PCDHGB7: variants seen among roughly 807,000 people sequenced by gnomAD.
PCDHGB7 encodes protocadherin gamma-B7.
A neutral mutation model predicts 61.4 loss-of-function variants in PCDHGB7; 37 were observed. That is an observed-to-expected ratio of 0.60 (90% CI 0.46 to 0.79). PCDHGB7 has a LOEUF of 0.79. Ranked by LOEUF, PCDHGB7 falls within the 30% of genes least tolerant of loss-of-function variation. The pLI is 0.00. For synonymous variants in PCDHGB7, 464 were observed against 503.5 expected, an observed-to-expected ratio of 0.92 and a Z score of 1.05; for missense variants, 1,166 against 1,202.5, an observed-to-expected ratio of 0.97 and a Z score of 0.45.
rs781267293 is a variant in PCDHGB7 at position 141,489,926 on chromosome 5, C to T, written c.2416-4881C>T. 1.2e-6 allele frequency: 2 copies of T among 1,614,222 alleles called. No individual in the cohort carries two copies. The highest frequency in any genetic ancestry group is 2.2e-5 in the East Asian group (1 of 44,878). On this transcript the variant is annotated intron_variant, in intron 1 of 3. Coordinates refer to ENST00000398594, the MANE Select transcript of PCDHGB7 (RefSeq NM_018927.4). The surrounding 1 kb of genome is among the most constrained non-coding windows in gnomAD (Gnocchi z 4.5). Reference sequence around the variant, plus strand: ...GCCCGCTCAGGGACCACCCTTATCTCTGTCATCGTGCTGGACATCAATGAT... The same window carrying T: ...GCCCGCTCAGGGACCACCCTTATCTTTGTCATCGTGCTGGACATCAATGAT...
At chr5:141,449,567 C>T (rs1412647192) in intron 1 of PCDHGB7, among the ~76,000 whole-genome samples, 2 of 133,846 alleles carry the variant, frequency 1.5e-5, no homozygotes, top group Non-Finnish European at 3.1e-5. Context: ...CCAGCCTGGG[C>T]GACAGAGCAA....
In PCDHGB7 at chr5:141,491,357, T is replaced by C; in HGVS notation, c.2416-3450T>C. 6.2e-7 allele frequency: 1 copy of C among 1,614,144 alleles called. No homozygotes were observed. Among genetic ancestry groups the C allele is most frequent in the South Asian group, 1.1e-5 (1 of 91,080 alleles). On this transcript the variant is annotated intron_variant, in intron 1 of 3. Transcript: ENST00000398594. This position sits in a 1 kb window ranked among gnomAD's most constrained non-coding sequence, Gnocchi z 6.9. ...CTAGCGACCGTCAGTCTCTTATCCCTAGTCACCTTCACCTTTCTGTCAGCG... is the reference window on the plus strand; with the variant it reads ...CTAGCGACCGTCAGTCTCTTATCCCCAGTCACCTTCACCTTTCTGTCAGCG...
chr5:141,481,679 C>T (rs2099541734), intron 1 of PCDHGB7, among the ~76,000 whole-genome samples: 1 of 151,948 alleles, frequency 6.6e-6, no homozygotes, highest in Non-Finnish European at 1.5e-5. Context: ...TCAGGCCGGG[C>T]CTGGTGGCTC....
In PCDHGB7 at chr5:141,430,991, A is replaced by G. The variant is rs2097333608; in HGVS notation, c.2415+10717A>G. 2.5e-6 allele frequency: 4 copies of G among 1,613,862 alleles called. No individual in the cohort carries two copies. In the East Asian group the frequency reaches 8.9e-5, roughly 36 times the overall value. ...AGGTAGGACGCAGCTTTTCGCCCTGAATCCGCGCAGCGGCAGCTTGGTCAC... is the reference window on the plus strand; with the variant it reads ...AGGTAGGACGCAGCTTTTCGCCCTGGATCCGCGCAGCGGCAGCTTGGTCAC... On this transcript the variant is annotated intron_variant, in intron 1 of 3. Coordinates refer to ENST00000398594, the MANE Select transcript of PCDHGB7 (RefSeq NM_018927.4).
At chr5:141,498,457 G>A (rs1028236637) in intron 2 of PCDHGB7, among the ~76,000 whole-genome samples, 8 of 152,126 alleles carry the variant, frequency 5.3e-5, no homozygotes, top group African/African-American at 1.9e-4. Flanking sequence ...CTTTTATCCA[G>A]TCTAACCCTG....
In PCDHGB7 at chr5:141,485,974, A is replaced by G. The variant is rs755735500; in HGVS notation, c.2416-8833A>G. 1.9e-6 allele frequency: 3 copies of G among 1,614,108 alleles called. No homozygotes were observed. The highest frequency in any genetic ancestry group is 1.7e-5 in the Admixed American group (1 of 60,014). On this transcript the variant is annotated intron_variant, in intron 1 of 3. Coordinates refer to ENST00000398594, the MANE Select transcript of PCDHGB7 (RefSeq NM_018927.4). This position sits in a 1 kb window ranked among gnomAD's most constrained non-coding sequence, Gnocchi z 5.7. ...TGGTGCTCATCCAGCTCAATGCCTC[A>G]GACCCGGACCTGGGTCCCAGTGGTA...
Position 141,418,848 on chromosome 5 carries a change from G to T in PCDHGB7, c.989G>T (p.Arg330Leu), listed in dbSNP as rs770294020. Reference protein sequence around the residue: ...EAKDRGSLSTRCKVIVEVVDE... With the variant: ...EAKDRGSLSTLCKVIVEVVDE... ...AAAGACCGAGGATCTCTCTCAACAC[G>T]GTGTAAAGTAATTGTAGAAGTTGTA... The change falls in exon 1 of 4, where the codon CGG (arginine) becomes CTG (leucine). Residue 330 changes from arginine (R) to leucine (L), a missense_variant. Physicochemically the swap from Arg to Leu is moderately radical, Grantham distance 102. Transcript: ENST00000398594. The T allele has an allele frequency of 6.2e-7, 1 of 1,613,954 alleles. No homozygotes were observed. The highest frequency in any genetic ancestry group is 8.5e-7 in the Non-Finnish European group (1 of 1,179,868).
At position 141,422,880 on chromosome 5, in the gene PCDHGB7, G is replaced by C. The variant is rs970045921; in HGVS notation, c.2415+2606G>C. The C allele has an allele frequency of 7.4e-6, 12 of 1,614,140 alleles. No individual in the cohort carries two copies. In the Admixed American group the frequency reaches 2.0e-4, roughly 27 times the overall value. ...TCAGCAGCAACGTGTCGCTGAGCCT[G>C]TTCGTGCTGGACCAGAACGACAATG... On this transcript the variant is annotated intron_variant, in intron 1 of 3. Coordinates refer to ENST00000398594, the MANE Select transcript of PCDHGB7 (RefSeq NM_018927.4).
rs144113016 is a variant in PCDHGB7 at position 141,428,135 on chromosome 5, G to T, written c.2415+7861G>T. On this transcript the variant is annotated intron_variant, in intron 1 of 3. Coordinates refer to ENST00000398594, the MANE Select transcript of PCDHGB7 (RefSeq NM_018927.4). Reference sequence around the variant, plus strand: ...CCATCGAGCCCGGGCTTTTCAGCCTGGGGCTGCACACGGGAACCTGCTGGT... The same window carrying T: ...CCATCGAGCCCGGGCTTTTCAGCCTTGGGCTGCACACGGGAACCTGCTGGT... 347 of 1,601,046 alleles carry T rather than the reference G, an allele frequency of 2.2e-4. No homozygotes were observed. The African/African-American group carries it at 3.9e-3, about 18-fold the overall frequency.
chr5:141,471,846 T>C (rs2099265433), intron 1 of PCDHGB7, among the ~76,000 whole-genome samples: 1 of 152,180 alleles, frequency 6.6e-6, no homozygotes. Context: ...AATAAAATAT[T>C]CAGAAAAAGC....
At position 141,485,396 on chromosome 5, in the gene PCDHGB7, T is replaced by C. The variant is rs1466959644; in HGVS notation, c.2416-9411T>C. 2.5e-6 allele frequency: 4 copies of C among 1,614,042 alleles called. No homozygotes were observed. Among genetic ancestry groups the C allele is most frequent in the Non-Finnish European group, 3.4e-6 (4 of 1,179,960 alleles). On this transcript the variant is annotated intron_variant, in intron 1 of 3. Coordinates refer to ENST00000398594, the MANE Select transcript of PCDHGB7 (RefSeq NM_018927.4). The surrounding 1 kb of genome is among the most constrained non-coding windows in gnomAD (Gnocchi z 5.7). ...CGCTGGAGAGGTGAACCAAAGACAC[T>C]TCCGTGTGGATTTGGACAGCGGAGC...
chr5:141,476,137 G>A lies in PCDHGB7; in HGVS notation c.2416-18670G>A. The A allele has an allele frequency of 1.2e-6, 2 of 1,609,204 alleles. No homozygotes were observed. The highest frequency in any genetic ancestry group is 1.7e-6 in the Non-Finnish European group (2 of 1,178,592). On this transcript the variant is annotated intron_variant, in intron 1 of 3. Coordinates refer to ENST00000398594, the MANE Select transcript of PCDHGB7 (RefSeq NM_018927.4). The surrounding 1 kb of genome is among the most constrained non-coding windows in gnomAD (Gnocchi z 7.6). ...GTGAGATGGTCCCAGAGGCCTGGAGGAGCGGACTGGTAAGCACCGGGAGGG... is the reference window on the plus strand; with the variant it reads ...GTGAGATGGTCCCAGAGGCCTGGAGAAGCGGACTGGTAAGCACCGGGAGGG...
Position 141,419,929 on chromosome 5 carries a change from T to C in PCDHGB7, c.2070T>C (p.Phe690=). The change falls in exon 1 of 4, where the codon TTT becomes TTC. Residue 690 remains phenylalanine, a synonymous_variant. Coordinates refer to ENST00000398594, the MANE Select transcript of PCDHGB7 (RefSeq NM_018927.4). ...TPSDSQAEMQ[F]YLVVALALIS... ...CTGACTCCCAGGCTGAGATGCAGTT[T>C]TACCTGGTGGTGGCCTTGGCCTTGA... 6.2e-7 allele frequency: 1 copy of C among 1,614,076 alleles called. No homozygotes were observed. Among genetic ancestry groups the C allele is most frequent in the Non-Finnish European group, 8.5e-7 (1 of 1,179,898 alleles).
intron 1 of PCDHGB7, chr5:141,440,535 G>A (rs1305958587): frequency 1.3e-5 from 2 of 152,154 alleles, no homozygotes; most frequent in East Asian, 1.9e-4. Flanking sequence ...CATGCACCAC[G>A]GTTCAGCAGG....
Position 141,490,685 on chromosome 5 carries a change from A to G in PCDHGB7, c.2416-4122A>G, listed in dbSNP as rs2099703028. On this transcript the variant is annotated intron_variant, in intron 1 of 3. Coordinates refer to ENST00000398594, the MANE Select transcript of PCDHGB7 (RefSeq NM_018927.4). The surrounding 1 kb of genome is among the most constrained non-coding windows in gnomAD (Gnocchi z 5.4). ...TGCACTGTGGCTGCCTCAGATCCAGACACTGGGGATAATGCCCGCCTCACC... is the reference window on the plus strand; with the variant it reads ...TGCACTGTGGCTGCCTCAGATCCAGGCACTGGGGATAATGCCCGCCTCACC... The G allele has an allele frequency of 1.9e-6, 3 of 1,614,030 alleles. No individual in the cohort carries two copies. Among genetic ancestry groups the G allele is most frequent in the South Asian group, 2.2e-5 (2 of 91,082 alleles).
intron 2 of PCDHGB7, among the ~76,000 whole-genome samples, chr5:141,497,980 G>A (rs983045402): frequency 2.0e-5 from 3 of 152,168 alleles, no homozygotes; most frequent in African/African-American, 7.2e-5. Context: ...GATGTGGGAG[G>A]CCCCTGCCCT....
At position 141,418,058 on chromosome 5, in the gene PCDHGB7, C is replaced by A. The variant is rs2096216434; in HGVS notation, c.199C>A (p.Arg67=). ...CCTGGATGTGTCGGCTCGCGAGCTG[C>A]GAGTGAGCGCGGAGAAGCTGCACTT... is the stretch of plus-strand genomic sequence containing the variant. ...SVLDVSAREL[R]VSAEKLHFSV... Residue 67 remains arginine, a synonymous_variant, in exon 1 of 4, where the codon CGA becomes AGA. Coordinates refer to ENST00000398594, the MANE Select transcript of PCDHGB7 (RefSeq NM_018927.4). 1 of 1,613,872 alleles carries A rather than the reference C, an allele frequency of 6.2e-7. No homozygotes were observed. The highest frequency in any genetic ancestry group is 8.5e-7 in the Non-Finnish European group (1 of 1,179,892).
chr5:141,422,508 C>T (rs2096653251), intron 1 of PCDHGB7: 1 of 1,613,984 alleles, frequency 6.2e-7, no homozygotes, highest in Non-Finnish European at 8.5e-7. Flanking sequence ...CAGCCACAGA[C>T]CAGGGAAGCC....
chr5:141,489,363 G>T lies in PCDHGB7; in HGVS notation c.2416-5444G>T, dbSNP rs767837736. 20 of 1,613,114 alleles carry T rather than the reference G, an allele frequency of 1.2e-5. No homozygotes were observed. Among genetic ancestry groups the T allele is most frequent in the Non-Finnish European group, 1.7e-5 (20 of 1,179,354 alleles). ...ACTCAGTGGTGGAGGAGTCTGAGCCGGGGACGCTGGTGGGGAATGTTGCTC... is the reference window on the plus strand; with the variant it reads ...ACTCAGTGGTGGAGGAGTCTGAGCCTGGGACGCTGGTGGGGAATGTTGCTC... On this transcript the variant is annotated intron_variant, in intron 1 of 3. Transcript: ENST00000398594. The surrounding 1 kb of genome is among the most constrained non-coding windows in gnomAD (Gnocchi z 4.5).
Sources: allele counts gnomAD v4.1 joint callset (sites outside exome capture counted in the v4.1 genomes callset), GRCh38; gene constraint gnomAD v4.1.1; non-coding constraint Gnocchi (gnomAD v3.1); transcripts MANE v1.5; gene names NCBI Gene and HGNC (gene_info 2026-07-23, HGNC 2026-07-21).